Variants in PRKAR2A observed in about 807,000 individuals in gnomAD.
The protein encoded by PRKAR2A is protein kinase cAMP-dependent type II regulatory subunit alpha, also known as cAMP-dependent protein kinase type II-alpha regulatory subunit.
In PRKAR2A, 29 loss-of-function variants were observed where a neutral mutation model predicts 51.9. That is an observed-to-expected ratio of 0.56 (90% CI 0.42 to 0.76). The LOEUF (loss-of-function observed/expected upper bound fraction) is 0.76. Ranked by LOEUF, PRKAR2A falls within the 30% of genes least tolerant of loss-of-function variation. PRKAR2A has a pLI of 0.00. For missense variants in PRKAR2A, 445 were observed against 512.1 expected, an observed-to-expected ratio of 0.87 and a Z score of 1.26; for synonymous variants, 178 against 186.2, an observed-to-expected ratio of 0.96 and a Z score of 0.36.
intron 4 of PRKAR2A, among the ~76,000 whole-genome samples, chr3:48,790,286 A>C (rs1464769339): frequency 6.6e-6 from 1 of 152,120 alleles, no homozygotes; most frequent in Admixed American, 6.6e-5. Context: ...GTATTTTTGG[A>C]CTGTCATTGA....
In PRKAR2A at chr3:48,751,574, G is replaced by A. The variant is rs371413565; in HGVS notation, c.*11C>T. 1.9e-5 allele frequency: 30 copies of A among 1,609,894 alleles called. No homozygotes were observed. In the African/African-American group the frequency reaches 3.1e-4, roughly 16 times the overall value. ...GGTGTCACACTAAGAAGGCTCTGGG[G>A]TGTGGCACACCTACTGCCCGAGGTT... On this transcript the variant is annotated 3_prime_UTR_variant, in exon 11 of 11. Coordinates refer to ENST00000265563, the MANE Select transcript of PRKAR2A (RefSeq NM_004157.4).
At chr3:48,816,743 C>G (rs1208236276) in intron 1 of PRKAR2A, among the ~76,000 whole-genome samples, 1 of 152,208 alleles carries the variant, frequency 6.6e-6, no homozygotes, top group Admixed American at 6.5e-5. Context: ...AAGCAATGTT[C>G]ACCTCACCTA....
chr3:48,794,152 TTC>T, intron 2 of PRKAR2A, 103 bp from the exon 3 acceptor site: 4 of 934,230 alleles, frequency 4.3e-6, no homozygotes, highest in East Asian at 2.7e-5. Flanking sequence ...CTGTTTTCTT[TTC>T]TTTTTTTTTT....
intron 1 of PRKAR2A, among the ~76,000 whole-genome samples, chr3:48,840,854 G>T (rs1024738675): frequency 4.8e-5 from 7 of 146,624 alleles, no homozygotes; most frequent in Non-Finnish European, 4.5e-5. Context: ...GGGATTACAG[G>T]CATGAGCCAC....
chr3:48,827,209 C>T (rs546764085), intron 1 of PRKAR2A, among the ~76,000 whole-genome samples: 33 of 151,942 alleles, frequency 2.2e-4, no homozygotes, highest in Non-Finnish European at 3.4e-4. Context: ...GCATTGGATG[C>T]TTGGTCTAGA....
At chr3:48,814,522 A>T (rs1321312680) in intron 1 of PRKAR2A, among the ~76,000 whole-genome samples, 1 of 152,220 alleles carries the variant, frequency 6.6e-6, no homozygotes, top group African/African-American at 2.4e-5. Context: ...CTATCCACAC[A>T]GAAAGTTAAC....
intron 1 of PRKAR2A, among the ~76,000 whole-genome samples, chr3:48,816,094 T>G (rs1163220132): frequency 6.7e-6 from 1 of 149,948 alleles, no homozygotes; most frequent in Non-Finnish European, 1.5e-5. Flanking sequence ...CTCCTATACC[T>G]CTCTCCCCTG....
chr3:48,779,392 A>G (rs1293917127), intron 5 of PRKAR2A, among the ~76,000 whole-genome samples: 3 of 152,166 alleles, frequency 2.0e-5, no homozygotes, highest in Non-Finnish European at 4.4e-5. Flanking sequence ...TTCCCAGATC[A>G]TAAGTGCCCA....
At chr3:48,839,091 C>T (rs1193565751) in intron 1 of PRKAR2A, among the ~76,000 whole-genome samples, 1 of 151,994 alleles carries the variant, frequency 6.6e-6, no homozygotes, top group Non-Finnish European at 1.5e-5. Context: ...AGTTCAAGAC[C>T]AGCCTGGCCA....
chr3:48,804,336 C>A (rs1266621616), intron 2 of PRKAR2A, among the ~76,000 whole-genome samples: 2 of 152,052 alleles, frequency 1.3e-5, no homozygotes, highest in Non-Finnish European at 2.9e-5. Context: ...TAGCGTGCAC[C>A]TGTGGTCCCA....
rs1385241475 is a variant in PRKAR2A, at chr3:48,747,896, C to T, written c.*3689G>A. 1 of 152,250 alleles carries T rather than the reference C, an allele frequency of 6.6e-6. No homozygotes were observed. Among genetic ancestry groups the T allele is most frequent in the East Asian group, 1.9e-4 (1 of 5,194 alleles). 9.4% of individuals were successfully genotyped at this position (152,250 alleles called of 1,614,324 possible). A position where few individuals can be genotyped will look rare whatever the true frequency, so the allele number is the denominator to read the frequency against. On this transcript the variant is annotated 3_prime_UTR_variant, in exon 11 of 11. Coordinates refer to ENST00000265563, the MANE Select transcript of PRKAR2A (RefSeq NM_004157.4). The stretch of plus-strand genomic sequence containing the variant: ...TGCCTGATGTGGACAATGTGGATAC[C>T]TCAGCCCTGAGTTGAACTTGGCATG...
intron 3 of PRKAR2A, among the ~76,000 whole-genome samples, chr3:48,793,289 G>A (rs578056909): frequency 2.6e-5 from 4 of 151,978 alleles, no homozygotes; most frequent in Non-Finnish European, 4.4e-5. Context: ...GGTCATTTAA[G>A]TTGTTGCCAT....
intron 3 of PRKAR2A, among the ~76,000 whole-genome samples, chr3:48,791,220 G>A (rs776227308): frequency 2.7e-5 from 4 of 145,620 alleles, no homozygotes; most frequent in Non-Finnish European, 4.5e-5. Flanking sequence ...CATGGAGTCG[G>A]AGGTTGCAGT....
chr3:48,824,557 GA>G (rs1338681348), intron 1 of PRKAR2A, among the ~76,000 whole-genome samples: 2 of 98,482 alleles, frequency 2.0e-5, no homozygotes, highest in Non-Finnish European at 3.9e-5. Flanking sequence ...AAGAAAGAAA[GA>G]AAGAAAGAAA....
chr3:48,787,174 TTATTTATTTATTTATG>T (rs1245944203), intron 4 of PRKAR2A, among the ~76,000 whole-genome samples: 85 of 151,702 alleles, frequency 5.6e-4, no homozygotes, highest in African/African-American at 1.9e-3. Flanking sequence ...ATTTATTTAT[TTATTTATTTATTTATG>T]TATTTATTTA....
chr3:48,780,209 T>G (rs1220840742), intron 5 of PRKAR2A, among the ~76,000 whole-genome samples: 1 of 151,890 alleles, frequency 6.6e-6, no homozygotes, highest in East Asian at 1.9e-4. Flanking sequence ...GTAGAATTTC[T>G]GTGTAAGAAG....
At chr3:48,829,919 C>T (rs1369209850) in intron 1 of PRKAR2A, among the ~76,000 whole-genome samples, 7 of 135,224 alleles carry the variant, frequency 5.2e-5, no homozygotes, top group Non-Finnish European at 1.1e-4. Flanking sequence ...AGACACAAGC[C>T]GGGCACAGTG....
At chr3:48,808,822 T>A (rs1023430429) in intron 1 of PRKAR2A, among the ~76,000 whole-genome samples, 2 of 82,888 alleles carry the variant, frequency 2.4e-5, no homozygotes, top group Non-Finnish European at 4.6e-5. Flanking sequence ...TGGCCTGTAT[T>A]TTTTTAGAGA....
chr3:48,812,452 C>A (rs184472447), intron 1 of PRKAR2A, among the ~76,000 whole-genome samples: 1 of 150,322 alleles, frequency 6.7e-6, no homozygotes, highest in East Asian at 2.0e-4. Flanking sequence ...ATCCTTTATT[C>A]ATTTGGTGTT....
Sources: allele counts gnomAD v4.1 joint callset (sites outside exome capture counted in the v4.1 genomes callset), GRCh38; gene constraint gnomAD v4.1.1; transcripts MANE v1.5; gene names NCBI Gene and HGNC (gene_info 2026-07-23, HGNC 2026-07-21).